The following RAD51B variants were observed in gnomAD, a reference collection of about 807,000 sequenced individuals.
The protein encoded by RAD51B is RAD51 paralog B.
A neutral mutation model predicts 42.2 loss-of-function variants in RAD51B; 38 were observed. The ratio of observed to expected loss-of-function variants is 0.90; its 90% confidence interval spans 0.70 to 1.18. RAD51B has a LOEUF of 1.18. RAD51B is among the 50% of genes most tolerant of loss of function. The pLI is 0.00. For synonymous variants in RAD51B, 154 were observed against 145.2 expected, an observed-to-expected ratio of 1.06 and a Z score of -0.43; for missense variants, 373 against 400.7, an observed-to-expected ratio of 0.93 and a Z score of 0.59.
intron 9 of RAD51B, among the ~76,000 whole-genome samples, chr14:68,456,825 T>A (rs1301255169): frequency 7.2e-6 from 1 of 138,476 alleles, no homozygotes; most frequent in East Asian, 2.3e-4. Context: ...TCAATAAATT[T>A]AAAAGATTGA....
chr14:67,907,360 T>C (rs1193224709), intron 7 of RAD51B, among the ~76,000 whole-genome samples: 1 of 152,104 alleles, frequency 6.6e-6, no homozygotes, highest in African/African-American at 2.4e-5. Context: ...GCTTTAGTTC[T>C]CTACTGCTGC....
At chr14:67,981,226 ATTAC>A (rs1373518926) in intron 7 of RAD51B, among the ~76,000 whole-genome samples, 1 of 152,144 alleles carries the variant, frequency 6.6e-6, no homozygotes, top group African/African-American at 2.4e-5. Flanking sequence ...CACATCAAAT[ATTAC>A]TTCCTTTTCT....
intron 8 of RAD51B, among the ~76,000 whole-genome samples, chr14:68,294,791 T>G (rs531250754): frequency 6.6e-6 from 1 of 152,340 alleles, no homozygotes; most frequent in South Asian, 2.1e-4. Flanking sequence ...TTAATAAATC[T>G]TAGCACTGAT....
intron 7 of RAD51B, among the ~76,000 whole-genome samples, chr14:67,986,467 ATTTCT>A (rs758395098): frequency 1.3e-5 from 2 of 152,184 alleles, no homozygotes; most frequent in South Asian, 2.1e-4. Flanking sequence ...GACATGTGTA[ATTTCT>A]TTTCATCATT....
chr14:67,849,686 G>T (rs368735982), intron 4 of RAD51B, among the ~76,000 whole-genome samples: 60 of 152,274 alleles, frequency 3.9e-4, no homozygotes, highest in African/African-American at 1.1e-3. Flanking sequence ...ATTTTCAACA[G>T]CTTGGCAATC....
chr14:68,669,978 G>C (rs2140153639), intron 11 of RAD51B, among the ~76,000 whole-genome samples: 1 of 152,262 alleles, frequency 6.6e-6, no homozygotes, highest in South Asian at 2.1e-4. Context: ...GGGGGGCTCA[G>C]ATTAATGGCA....
At chr14:67,945,185 A>G (rs2045347411) in intron 7 of RAD51B, among the ~76,000 whole-genome samples, 1 of 152,192 alleles carries the variant, frequency 6.6e-6, no homozygotes, top group African/African-American at 2.4e-5. Context: ...TAAAATATCT[A>G]AAGCAAGAAG....
chr14:67,881,410 C>T (rs1275463993), intron 5 of RAD51B, among the ~76,000 whole-genome samples: 2 of 152,200 alleles, frequency 1.3e-5, no homozygotes, highest in South Asian at 4.1e-4. Flanking sequence ...GTTCTTTCCT[C>T]AACCTCAAGT....
At chr14:68,415,850 A>G (rs2084543624) in intron 9 of RAD51B, among the ~76,000 whole-genome samples, 2 of 152,256 alleles carry the variant, frequency 1.3e-5, no homozygotes, top group Admixed American at 1.3e-4. Flanking sequence ...ATGGGATTAT[A>G]TAAATTTTCA....
chr14:68,031,973 A>G (rs983037576), intron 7 of RAD51B, among the ~76,000 whole-genome samples: 1 of 152,128 alleles, frequency 6.6e-6, no homozygotes, highest in Non-Finnish European at 1.5e-5. Flanking sequence ...CTCTGATTCT[A>G]TCTTTCTCCC....
chr14:68,437,802 G>A (rs951723559), intron 9 of RAD51B, among the ~76,000 whole-genome samples: 3 of 152,166 alleles, frequency 2.0e-5, no homozygotes, highest in South Asian at 2.1e-4. Flanking sequence ...TGTAGCTATC[G>A]TTGTTGGGAT....
At position 68,331,367 on chromosome 14, in the gene RAD51B, C is replaced by CAAAAA. The variant is rs778136542; in HGVS notation, c.853+39401_853+39405dup. On this transcript the variant is annotated intron_variant, in intron 8 of 10. Transcript: ENST00000471583. ...TGGGCTACAGAACGAGACTCTGTCT[C>CAAAAA]AAAAAAAAAAAAAAAAAAGCAATGG... is the stretch of plus-strand genomic sequence containing the variant. Among the ~76,000 whole-genome samples the CAAAAA allele has an allele frequency of 3.4e-3, 112 of 32,944 alleles. 10 individuals carry two copies. The highest frequency in any genetic ancestry group is 4.8e-3 in the African/African-American group (62 of 12,866). 21.6% of individuals were successfully genotyped at this position (32,944 alleles called of 152,430 possible).
chr14:68,111,333 A>G (rs1350956158), intron 7 of RAD51B, among the ~76,000 whole-genome samples: 1 of 152,124 alleles, frequency 6.6e-6, no homozygotes, highest in Non-Finnish European at 1.5e-5. Flanking sequence ...TGTTTGAGAA[A>G]GAGCTGTCAG....
chr14:68,394,911 G>A (rs527963610), intron 8 of RAD51B, among the ~76,000 whole-genome samples: 1 of 150,798 alleles, frequency 6.6e-6, no homozygotes, highest in African/African-American at 2.4e-5. Context: ...CCTCACCCCC[G>A]CCTGCTCTTT....
chr14:68,235,548 CAA>C (rs2080232786), intron 7 of RAD51B, among the ~76,000 whole-genome samples: 1 of 150,370 alleles, frequency 6.7e-6, no homozygotes, highest in Non-Finnish European at 1.5e-5. Flanking sequence ...ACTAAAAATA[CAA>C]AAAATTAGCC....
At position 68,138,464 on chromosome 14, in the gene RAD51B, C is replaced by T. The variant is rs927546218; in HGVS notation, c.757-153420C>T. On this transcript the variant is annotated intron_variant, in intron 7 of 10. Coordinates refer to ENST00000471583, the MANE Select transcript of RAD51B (RefSeq NM_133510.4). Reference sequence around the variant, plus strand: ...AACTTTACTGAGGGGATTAGTAACTCATTAAATCTTTTCTCTTCAAGGAGA... The same window carrying T: ...AACTTTACTGAGGGGATTAGTAACTTATTAAATCTTTTCTCTTCAAGGAGA... Among the ~76,000 whole-genome samples the T allele has an allele frequency of 5.3e-5, 8 of 152,078 alleles. 1 individual carries two copies. The highest frequency in any genetic ancestry group is 1.0e-4 in the Non-Finnish European group (7 of 68,004).
intron 3 of RAD51B, among the ~76,000 whole-genome samples, chr14:67,829,563 G>A (rs1255609398): frequency 7.3e-6 from 1 of 136,464 alleles, no homozygotes; most frequent in African/African-American, 2.7e-5. Context: ...TTTCTTTGTA[G>A]CAATTGTGAA....
intron 7 of RAD51B, among the ~76,000 whole-genome samples, chr14:67,927,010 G>A (rs2044538131): frequency 6.6e-6 from 1 of 152,090 alleles, no homozygotes; most frequent in South Asian, 2.1e-4. Flanking sequence ...ATGTTACAAA[G>A]TATTTTATAC....
At chr14:68,140,650 A>T (rs918506073) in intron 7 of RAD51B, among the ~76,000 whole-genome samples, 5 of 152,216 alleles carry the variant, frequency 3.3e-5, no homozygotes, top group African/African-American at 1.2e-4. Flanking sequence ...CGTCACTTTC[A>T]AGGTTCACTA....
Sources: allele counts gnomAD v4.1 joint callset (sites outside exome capture counted in the v4.1 genomes callset), GRCh38; gene constraint gnomAD v4.1.1; transcripts MANE v1.5; gene names NCBI Gene and HGNC (gene_info 2026-07-23, HGNC 2026-07-21).